MMP20: variants seen among roughly 807,000 people sequenced by gnomAD.
MMP20 encodes matrix metallopeptidase 20, also known as matrix metalloproteinase-20.
In MMP20, 50 loss-of-function variants were observed where a neutral mutation model predicts 51.8. That is an observed-to-expected ratio of 0.97 (90% CI 0.77 to 1.22). The LOEUF is 1.22. MMP20 is among the 50% of genes most tolerant of loss of function. MMP20 has a pLI of 0.00. For missense variants in MMP20, 663 were observed against 601.4 expected (o/e 1.10, Z -1.07); for synonymous variants, 244 against 216.2 (o/e 1.13, Z -1.13).
chr11:102,585,525 T>C (rs1177562943), intron 8 of MMP20, among the ~76,000 whole-genome samples: 2 of 152,214 alleles, frequency 1.3e-5, no homozygotes, highest in African/African-American at 4.8e-5. Context: ...GGTTTTTCTA[T>C]ATAAAAGATA....
intron 4 of MMP20, 69 bp from the exon 5 acceptor site, chr11:102,609,167 T>C: frequency 7.3e-7 from 1 of 1,363,420 alleles, no homozygotes; most frequent in Non-Finnish European, 1.0e-6. Context: ...TCCATCTTTA[T>C]AGTATAATTT....
chr11:102,609,532 T>C lies in MMP20; in HGVS notation c.649+373A>G, dbSNP rs573764323. On this transcript the variant is annotated intron_variant, in intron 4 of 9. Transcript: ENST00000260228. The stretch of plus-strand genomic sequence containing the variant: ...GACCTGTATGATATTCTGGAAACTT[T>C]ATTCCCATCCCCAACACACTTCTCA... Among the ~76,000 whole-genome samples, 10 of 152,356 alleles carry C rather than the reference T, an allele frequency of 6.6e-5. No homozygotes were observed. The South Asian group carries it at 1.9e-3, about 28-fold the overall frequency.
At chr11:102,609,440 T>C (rs1301842790) in intron 4 of MMP20, among the ~76,000 whole-genome samples, 1 of 152,208 alleles carries the variant, frequency 6.6e-6, no homozygotes, top group Non-Finnish European at 1.5e-5. Flanking sequence ...ACAAATGCCT[T>C]AATAGTTCCC....
At chr11:102,615,264 A>G (rs1859655178) in intron 2 of MMP20, among the ~76,000 whole-genome samples, 1 of 147,726 alleles carries the variant, frequency 6.8e-6, no homozygotes, top group African/African-American at 2.5e-5. Flanking sequence ...ATGAAATAAT[A>G]TACTTATTTA....
intron 6 of MMP20, among the ~76,000 whole-genome samples, chr11:102,600,152 C>T (rs965985053): frequency 6.6e-6 from 1 of 152,176 alleles, no homozygotes; most frequent in Non-Finnish European, 1.5e-5. Context: ...AGTAATCTTA[C>T]AGCCAGAAAA....
At chr11:102,617,513 A>G (rs538145807) in intron 1 of MMP20, among the ~76,000 whole-genome samples, 2 of 152,338 alleles carry the variant, frequency 1.3e-5, no homozygotes, top group South Asian at 2.1e-4. Context: ...TCCATTGTAC[A>G]TAATGCAAGA....
intron 6 of MMP20, 138 bp downstream of exon 6, chr11:102,606,397 G>GCCTACCAC: frequency 1.7e-6 from 2 of 1,161,280 alleles, no homozygotes; most frequent in Non-Finnish European, 2.5e-6. Flanking sequence ...AAAGACCCCT[G>GCCTACCAC]CCTACCACCC....
intron 3 of MMP20, among the ~76,000 whole-genome samples, chr11:102,611,477 C>T (rs1005826502): frequency 2.0e-5 from 3 of 152,208 alleles, no homozygotes; most frequent in African/African-American, 7.2e-5. Flanking sequence ...GCAAAATCTG[C>T]AAGAATTTGT....
chr11:102,592,542 C>G (rs191743489), intron 8 of MMP20, among the ~76,000 whole-genome samples: 3 of 152,208 alleles, frequency 2.0e-5, no homozygotes, highest in Admixed American at 6.5e-5. Flanking sequence ...TTCTTTTATA[C>G]CACAAAAATG....
chr11:102,597,183 T>C (rs1368933213), intron 6 of MMP20, among the ~76,000 whole-genome samples: 1 of 152,228 alleles, frequency 6.6e-6, no homozygotes, highest in African/African-American at 2.4e-5. Flanking sequence ...TCCAGCTGCT[T>C]TCTCTTTGAT....
At chr11:102,610,839 G>A (rs997074201) in intron 3 of MMP20, among the ~76,000 whole-genome samples, 6 of 151,836 alleles carry the variant, frequency 4.0e-5, no homozygotes, top group Non-Finnish European at 5.9e-5. Context: ...GTCTACTCAG[G>A]TGCACACACC....
At chr11:102,610,829 G>A (rs1268251123) in intron 3 of MMP20, among the ~76,000 whole-genome samples, 1 of 151,788 alleles carries the variant, frequency 6.6e-6, no homozygotes, top group Non-Finnish European at 1.5e-5. Context: ...GTGAAATGCA[G>A]TCTACTCAGG....
chr11:102,579,328 T>G lies in MMP20; in HGVS notation c.1248-186A>C, dbSNP rs17174288. Among the ~76,000 whole-genome samples the G allele has an allele frequency of 4.4e-3, 672 of 152,162 alleles. 8 individuals carry two copies. The highest frequency in any genetic ancestry group is 0.015 in the African/African-American group (626 of 41,520). ...TTTTCTTTGTTGTGTTTTTGTTTTT[T>G]TTTTGAGATGGGGTCTCACTGTTGC... is the stretch of plus-strand genomic sequence containing the variant. On this transcript the variant is annotated intron_variant, in intron 8 of 9. Transcript: ENST00000260228.
chr11:102,613,527 G>A (rs942518317), intron 2 of MMP20, among the ~76,000 whole-genome samples: 1 of 152,176 alleles, frequency 6.6e-6, no homozygotes, highest in Admixed American at 6.5e-5. Context: ...AATTACCTAG[G>A]AAGCTTGTTA....
intron 5 of MMP20, 91 bp downstream of exon 5, chr11:102,608,846 T>A (rs755413468): frequency 3.0e-6 from 4 of 1,339,414 alleles, no homozygotes; most frequent in Admixed American, 1.7e-5. Context: ...GATTGATCTT[T>A]ACCAATGCAG....
intron 1 of MMP20, among the ~76,000 whole-genome samples, chr11:102,620,979 T>C (rs1859742964): frequency 1.3e-5 from 2 of 152,208 alleles, no homozygotes. Flanking sequence ...TCCGCCCTGT[T>C]TCGGCTGCTT....
In MMP20 at chr11:102,625,314, C is replaced by G. The variant is rs772803414; in HGVS notation, c.6G>C (p.Lys2Asn). The G allele has an allele frequency of 6.2e-7, 1 of 1,613,322 alleles. No homozygotes were observed. Among genetic ancestry groups the G allele is most frequent in the South Asian group, 1.1e-5 (1 of 91,048 alleles). Residue 2 changes from lysine to asparagine, a missense_variant, in exon 1 of 10, where the codon AAG (lysine) becomes AAC (asparagine). Coordinates refer to ENST00000260228, the MANE Select transcript of MMP20 (RefSeq NM_004771.4). MKVLPASGLAVF... is the reference protein window; with the variant it reads MNVLPASGLAVF... ...CAGCAAGGCCAGATGCAGGGAGCAC[C>G]TTCATCCCCTCACAGTAGCTTGGTA...
At chr11:102,593,750 G>T (rs1187734509) in intron 7 of MMP20, among the ~76,000 whole-genome samples, 155 bp from the exon 8 acceptor site, 1 of 152,186 alleles carries the variant, frequency 6.6e-6, no homozygotes, top group Middle Eastern at 3.2e-3. Flanking sequence ...TAACTATTCA[G>T]TTCAGTAAAA....
rs759157092 is a variant in MMP20 at position 102,616,966 on chromosome 11, C to T, written c.220G>A (p.Glu74Lys). The change falls in exon 2 of 10, where the codon GAG (glutamate) becomes AAG (lysine). Residue 74 changes from glutamate (E) to lysine (K), a missense_variant. By Grantham distance (56) the Glu-to-Lys change is moderately conservative (BLOSUM62 1). Coordinates refer to ENST00000260228, the MANE Select transcript of MMP20 (RefSeq NM_004771.4). ...GSNSMIRKIK[E>K]LQAFFGLQVT... Reference sequence around the variant, plus strand: ...TGGAGGCCAAAGAACGCTTGTAGCTCCTTAATCTTCCTTATCATGGAATTG... The same window carrying T: ...TGGAGGCCAAAGAACGCTTGTAGCTTCTTAATCTTCCTTATCATGGAATTG... 6.2e-7 allele frequency: 1 copy of T among 1,614,178 alleles called. No individual in the cohort carries two copies. The highest frequency in any genetic ancestry group is 8.5e-7 in the Non-Finnish European group (1 of 1,180,044).
Sources: gnomAD v4.1 joint callset for allele counts (sites outside exome capture counted in the v4.1 genomes callset) on GRCh38, gnomAD v4.1.1 for gene constraint, MANE v1.5 for transcripts, NCBI Gene and HGNC (gene_info 2026-07-23, HGNC 2026-07-21) for gene names.